The following OR9Q1 variants were observed in gnomAD, a reference collection of about 807,000 sequenced individuals.
The protein encoded by OR9Q1 is olfactory receptor family 9 subfamily Q member 1, also known as olfactory receptor 9Q1.
For synonymous variants in OR9Q1, 153 were observed against 148.6 expected (o/e 1.03, Z -0.22); for missense variants, 374 against 378.8 (o/e 0.99, Z 0.11).
Position 58,093,873 on chromosome 11 carries a change from A to G in OR9Q1, c.-15+37926A>G, listed in dbSNP as rs147935022. 2.7e-3 allele frequency among the ~76,000 whole-genome samples: 413 copies of G among 152,172 alleles called. 3 individuals are homozygous for G. The highest frequency in any genetic ancestry group is 6.0e-3 in the South Asian group (29 of 4,822). On this transcript the variant is annotated intron_variant, in intron 2 of 2. Transcript: ENST00000335397. Reference sequence around the variant, plus strand: ...GAATGTAAATTAGCACAACCTCTAGAAAAATATATGAAGATTTCTCAAAGA... The same window carrying G: ...GAATGTAAATTAGCACAACCTCTAGGAAAATATATGAAGATTTCTCAAAGA...
intron 2 of OR9Q1, among the ~76,000 whole-genome samples, chr11:58,143,123 A>T (rs1253418576): frequency 6.6e-6 from 1 of 152,218 alleles, no homozygotes; most frequent in Non-Finnish European, 1.5e-5. Flanking sequence ...TGGACTTAAG[A>T]TTCCACAATG....
At chr11:58,069,276 T>C (rs2120014938) in intron 2 of OR9Q1, among the ~76,000 whole-genome samples, 1 of 152,254 alleles carries the variant, frequency 6.6e-6, no homozygotes, top group African/African-American at 2.4e-5. Context: ...TCTCGTAGCC[T>C]CTAAACTGTC....
chr11:58,102,604 C>T (rs1312250833), intron 2 of OR9Q1, among the ~76,000 whole-genome samples: 1 of 151,068 alleles, frequency 6.6e-6, no homozygotes, highest in Non-Finnish European at 1.5e-5. Context: ...TTCATTTTCT[C>T]TTGGCCTGCA....
intron 2 of OR9Q1, chr11:58,109,017 CAGGATA>C (rs1252788596): frequency 2.3e-6 from 1 of 442,794 alleles, no homozygotes; most frequent in East Asian, 7.0e-5. Context: ...TGTAGCAGAT[CAGGATA>C]ACCATGACAT....
At chr11:58,055,289 C>T (rs1212986608) in intron 1 of OR9Q1, among the ~76,000 whole-genome samples, 1 of 152,108 alleles carries the variant, frequency 6.6e-6, no homozygotes, top group Non-Finnish European at 1.5e-5. Context: ...TTTCTTAGAG[C>T]CCTTAAGAAC....
intron 2 of OR9Q1, among the ~76,000 whole-genome samples, chr11:58,146,469 G>C (rs1854299906): frequency 6.6e-6 from 1 of 152,062 alleles, no homozygotes; most frequent in South Asian, 2.1e-4. Flanking sequence ...TTTTAAGTAT[G>C]TATTATATCT....
At chr11:58,105,513 A>T (rs1391357334) in intron 2 of OR9Q1, among the ~76,000 whole-genome samples, 1 of 152,190 alleles carries the variant, frequency 6.6e-6, no homozygotes, top group Non-Finnish European at 1.5e-5. Flanking sequence ...CAATTACATG[A>T]GATCTACCCT....
chr11:58,166,628 G>A (rs1233825574), intron 2 of OR9Q1, among the ~76,000 whole-genome samples: 1 of 152,148 alleles, frequency 6.6e-6, no homozygotes, highest in Non-Finnish European at 1.5e-5. Flanking sequence ...ATGATAAATG[G>A]TTAGAGGTGG....
At chr11:58,114,429 G>T (rs911485529) in intron 2 of OR9Q1, among the ~76,000 whole-genome samples, 1 of 152,162 alleles carries the variant, frequency 6.6e-6, no homozygotes, top group Non-Finnish European at 1.5e-5. Context: ...TGTGAGCCCA[G>T]TCTTGCCTGC....
chr11:58,139,969 C>T (rs1035928117), intron 2 of OR9Q1, among the ~76,000 whole-genome samples: 27 of 151,912 alleles, frequency 1.8e-4, no homozygotes, highest in South Asian at 4.2e-4. Flanking sequence ...TTTTAATGAT[C>T]GCCATTCTAA....
chr11:58,082,705 C>T (rs1454769752), intron 2 of OR9Q1, among the ~76,000 whole-genome samples: 1 of 142,462 alleles, frequency 7.0e-6, no homozygotes, highest in East Asian at 2.2e-4. Context: ...ATGTAACTAA[C>T]CTGCACATTG....
intron 2 of OR9Q1, among the ~76,000 whole-genome samples, chr11:58,167,643 T>C (rs1854517593): frequency 6.6e-6 from 1 of 152,168 alleles, no homozygotes; most frequent in South Asian, 2.1e-4. Context: ...GCATCTACGG[T>C]CAATTGTGGA....
At chr11:58,179,306 G>A (rs1854636773) in intron 2 of OR9Q1, 125 bp from the exon 3 acceptor site, 1 of 564,412 alleles carries the variant, frequency 1.8e-6, no homozygotes. Context: ...TTACAGGTGT[G>A]AGCCACAGCA....
chr11:58,037,689 ATTTT>A lies in OR9Q1; in HGVS notation c.-93+13629_-93+13632del, dbSNP rs554392577. On this transcript the variant is annotated intron_variant, in intron 1 of 2. Coordinates refer to ENST00000335397, the MANE Select transcript of OR9Q1 (RefSeq NM_001005212.4). ...TATATATATATATATATATATATAT[ATTTT>A]TTTTTTTTTTTTTTTTTTTTTTTTT... 2.3e-3 allele frequency among the ~76,000 whole-genome samples: 16 copies of A among 6,996 alleles called. 2 individuals carry two copies. The highest frequency in any genetic ancestry group is 3.1e-3 in the Admixed American group (1 of 324). 4.6% of individuals were successfully genotyped at this position (6,996 alleles called of 152,430 possible). A position where few individuals can be genotyped will look rare whatever the true frequency, so the allele number is the denominator to read the frequency against.
chr11:58,045,491 C>G (rs992241924), intron 1 of OR9Q1: 2 of 152,186 alleles, frequency 1.3e-5, no homozygotes, highest in Non-Finnish European at 2.9e-5. Flanking sequence ...GTCTTGGCCT[C>G]CAAAAGTGCT....
chr11:58,029,290 T>G (rs1188069836), intron 1 of OR9Q1, among the ~76,000 whole-genome samples: 1 of 152,174 alleles, frequency 6.6e-6, no homozygotes, highest in Non-Finnish European at 1.5e-5. Flanking sequence ...CCTGAGGGAC[T>G]TAGTTCCTCT....
intron 2 of OR9Q1, among the ~76,000 whole-genome samples, chr11:58,092,531 T>C (rs967783839): frequency 7.2e-5 from 11 of 152,164 alleles, no homozygotes; most frequent in Admixed American, 4.6e-4. Flanking sequence ...TATAAGTTCA[T>C]TCAATTAAAA....
chr11:58,097,043 A>G (rs1440520519), intron 2 of OR9Q1, among the ~76,000 whole-genome samples: 1 of 152,044 alleles, frequency 6.6e-6, no homozygotes, highest in Non-Finnish European at 1.5e-5. Context: ...GGGTCTCACC[A>G]TGTTGCTCAG....
At chr11:58,047,906 T>G (rs1215875433) in intron 1 of OR9Q1, among the ~76,000 whole-genome samples, 10 of 152,084 alleles carry the variant, frequency 6.6e-5, no homozygotes, top group Non-Finnish European at 4.4e-5. Context: ...TTCCTCCACA[T>G]CACTGGACAG....
Sources: gnomAD v4.1 joint callset for allele counts (sites outside exome capture counted in the v4.1 genomes callset) on GRCh38, gnomAD v4.1.1 for gene constraint, MANE v1.5 for transcripts, NCBI Gene and HGNC (gene_info 2026-07-23, HGNC 2026-07-21) for gene names.